CCT6B: variants seen among roughly 807,000 people sequenced by gnomAD.
CCT6B encodes the protein probable T-complex protein 1 subunit zeta-2.
In CCT6B, 49 loss-of-function variants were observed where a neutral mutation model predicts 61.5. That is an observed-to-expected ratio of 0.80 (90% confidence interval 0.63 to 1.01). The LOEUF (loss-of-function observed/expected upper bound fraction) is 1.01. Among genes scored for constraint, CCT6B ranks in the 50% least tolerant of loss-of-function variants. The pLI, the probability that CCT6B is intolerant of heterozygous loss-of-function variation, is 0.00. For missense variants in CCT6B, 666 were observed against 634.7 expected, an observed-to-expected ratio of 1.05 and a Z score of -0.53; for synonymous variants, 228 against 214.5, an observed-to-expected ratio of 1.06 and a Z score of -0.55.
intron 5 of CCT6B, among the ~76,000 whole-genome samples, chr17:34,948,436 C>T (rs551633760): frequency 1.1e-3 from 166 of 152,088 alleles, no homozygotes; most frequent in Non-Finnish European, 2.0e-3. Flanking sequence ...AAAACTGGGC[C>T]GGGCACAGTG....
rs146300417 is a variant in CCT6B, at chr17:34,959,609, C to A, written c.179G>T (p.Gly60Val). 1 of 1,613,094 alleles carries A rather than the reference C, an allele frequency of 6.2e-7. No homozygotes were observed. The change falls in exon 2 of 14, where the codon GGC (glycine) becomes GTC (valine). Residue 60 changes from glycine (G) to valine (V), a missense_variant. Transcript: ENST00000314144. ...CACCATCTCATCGAGCAGCACATTG[C>A]CATCTTTGGTGAGTTTGATGTCACC... ...GAGDIKLTKD[G>V]NVLLDEMQIQ...
At chr17:34,929,493 T>TTC (rs1440852860) in intron 12 of CCT6B, among the ~76,000 whole-genome samples, 20 of 50,180 alleles carry the variant, frequency 4.0e-4, no homozygotes, top group African/African-American at 1.3e-3. Context: ...TTTTCTTTCT[T>TTC]TTTTTTTTTT....
At chr17:34,933,425 C>T (rs1026727753) in intron 10 of CCT6B, among the ~76,000 whole-genome samples, 9 of 152,110 alleles carry the variant, frequency 5.9e-5, no homozygotes, top group Non-Finnish European at 1.0e-4. Context: ...AAACAATCTC[C>T]CCTTTTATCT....
At chr17:34,940,230 T>C (rs1166828802) in intron 8 of CCT6B, among the ~76,000 whole-genome samples, 1 of 152,164 alleles carries the variant, frequency 6.6e-6, no homozygotes, top group Non-Finnish European at 1.5e-5. Flanking sequence ...TCTACTTCTA[T>C]GAGTTCAACT....
At position 34,939,266 on chromosome 17, in the gene CCT6B, T is replaced by C. The variant is rs1487449094; in HGVS notation, c.1130A>G (p.Lys377Arg). 1 of 1,613,970 alleles carries C rather than the reference T, an allele frequency of 6.2e-7. No individual in the cohort carries two copies. The highest frequency in any genetic ancestry group is 8.5e-7 in the Non-Finnish European group (1 of 1,179,922). Residue 377 changes from lysine to arginine, a missense_variant, in exon 10 of 14, where the codon AAA (lysine) becomes AGA (arginine). Transcript: ENST00000314144. ...VNPCSVTLLVKGPNKHTLTQV... is the reference protein window; with the variant it reads ...VNPCSVTLLVRGPNKHTLTQV... ...TGTGAGAGTATGCTTATTTGGTCCT[T>C]TAACCAACAAGGTAACAGAGCAAGG... is the stretch of plus-strand genomic sequence containing the variant.
chr17:34,942,703 G>A, intron 6 of CCT6B, 60 bp from the exon 7 acceptor site: 1 of 1,492,314 alleles, frequency 6.7e-7, no homozygotes, highest in Non-Finnish European at 9.1e-7. Context: ...AAAGATAGAA[G>A]TAGTCTACAC....
intron 3 of CCT6B, among the ~76,000 whole-genome samples, chr17:34,954,815 T>A (rs2090331015): frequency 6.6e-6 from 1 of 152,234 alleles, no homozygotes; most frequent in African/African-American, 2.4e-5. Context: ...ATTACAGAAG[T>A]CCTTTTTATT....
At chr17:34,949,062 A>C in intron 5 of CCT6B, among the ~76,000 whole-genome samples, 1 of 70,610 alleles carries the variant, frequency 1.4e-5, no homozygotes, top group Non-Finnish European at 2.5e-5. Context: ...ACGGAAAGGA[A>C]GGGAAGGGGG....
intron 10 of CCT6B, among the ~76,000 whole-genome samples, chr17:34,937,642 GGTT>G (rs1271465505): frequency 6.6e-6 from 1 of 152,000 alleles, no homozygotes; most frequent in African/African-American, 2.4e-5. Context: ...TATGACCCTA[GGTT>G]AGGTAAAGAT....
At chr17:34,932,610 C>T (rs1465666094) in intron 10 of CCT6B, 110 bp from the exon 11 acceptor site, 10 of 930,678 alleles carry the variant, frequency 1.1e-5, no homozygotes, top group Non-Finnish European at 1.4e-5. Context: ...CTACAGAAAC[C>T]AAATAAATTG....
chr17:34,948,416 T>C (rs1256037794), intron 5 of CCT6B, among the ~76,000 whole-genome samples: 1 of 151,966 alleles, frequency 6.6e-6, no homozygotes, highest in African/African-American at 2.4e-5. Context: ...AGGCAAATAC[T>C]AATTAAAAGA....
rs1234611806 is a variant in CCT6B at position 34,958,768 on chromosome 17, T to C, written c.202-74A>G. The C allele has an allele frequency of 2.8e-6, 3 of 1,068,004 alleles. No homozygotes were observed. In the African/African-American group the frequency reaches 4.8e-5, roughly 17 times the overall value. The allele number at this position is 1,068,004 out of a possible 1,614,324, so 66.2% of individuals were successfully genotyped here. A position where few individuals can be genotyped will look rare whatever the true frequency, so the allele number is the denominator to read the frequency against. ...GTAGGTCACCAAAAGCAAGATAACC[T>C]AGGGGTCAGTAGCAAAATTAAAAAA... On this transcript the variant is annotated intron_variant, in intron 2 of 13. Coordinates refer to ENST00000314144, the MANE Select transcript of CCT6B (RefSeq NM_006584.4).
At chr17:34,947,534 C>T (rs989804400) in intron 5 of CCT6B, among the ~76,000 whole-genome samples, 5 of 152,098 alleles carry the variant, frequency 3.3e-5, no homozygotes, top group African/African-American at 1.2e-4. Context: ...ACCTAGTAAA[C>T]ACACAATGAA....
Position 34,951,935 on chromosome 17 carries a change from G to A in CCT6B, c.614+15C>T. ...ATTCTAGAACCCATATGTTGTCAAA[G>A]CTTATGTAATTTACTTTGTATCTGT... On this transcript the variant is annotated intron_variant, in intron 5 of 13. Transcript: ENST00000314144. 1 of 1,311,092 alleles carries A rather than the reference G, an allele frequency of 7.6e-7. No individual in the cohort carries two copies. The highest frequency in any genetic ancestry group is 1.1e-6 in the Non-Finnish European group (1 of 919,218). The allele number at this position is 1,311,092 out of a possible 1,614,324, so 81.2% of individuals were successfully genotyped here. A position where few individuals can be genotyped will look rare whatever the true frequency, so the allele number is the denominator to read the frequency against.
intron 5 of CCT6B, among the ~76,000 whole-genome samples, chr17:34,948,153 C>T (rs936110028): frequency 6.6e-6 from 1 of 152,080 alleles, no homozygotes; most frequent in Non-Finnish European, 1.5e-5. Flanking sequence ...ATCACCCAAG[C>T]AGTGTACACT....
intron 3 of CCT6B, among the ~76,000 whole-genome samples, chr17:34,957,651 T>A (rs931698900): frequency 6.6e-6 from 1 of 152,196 alleles, no homozygotes; most frequent in Non-Finnish European, 1.5e-5. Context: ...GCCAAAAGCA[T>A]CCTAAGTTGC....
rs959043709 is a variant in CCT6B, at chr17:34,951,948, A to G, written c.614+2T>C. ...TATGTTGTCAAAGCTTATGTAATTT[A>G]CTTTGTATCTGTTCCTAATTTATGC... On this transcript the variant is annotated splice_donor_variant, in intron 5 of 13. Transcript: ENST00000314144. LOFTEE classifies it high-confidence loss of function. 5 of 1,463,936 alleles carry G rather than the reference A, an allele frequency of 3.4e-6. No individual in the cohort carries two copies. The highest frequency in any genetic ancestry group is 3.5e-5 in the Admixed American group (2 of 56,784). 90.7% of individuals were successfully genotyped at this position (1,463,936 alleles called of 1,614,324 possible).
intron 3 of CCT6B, among the ~76,000 whole-genome samples, chr17:34,955,413 A>T (rs1227744147): frequency 6.6e-6 from 1 of 152,200 alleles, no homozygotes; most frequent in East Asian, 1.9e-4. Flanking sequence ...AGAAATATAC[A>T]CTGAAATATT....
intron 7 of CCT6B, among the ~76,000 whole-genome samples, chr17:34,941,689 G>C (rs2090165552): frequency 6.6e-6 from 1 of 152,072 alleles, no homozygotes; most frequent in Non-Finnish European, 1.5e-5. Context: ...CCATGAAAAA[G>C]TGGCTAGTTT....
Sources: gnomAD v4.1 joint callset for allele counts (sites outside exome capture counted in the v4.1 genomes callset) on GRCh38, gnomAD v4.1.1 for gene constraint, MANE v1.5 for transcripts, NCBI Gene and HGNC (gene_info 2026-07-23, HGNC 2026-07-21) for gene names.